RACK1: variants seen among roughly 807,000 people sequenced by gnomAD.
RACK1 encodes receptor for activated C kinase 1, also known as small ribosomal subunit protein RACK1.
RACK1 carries 3 observed loss-of-function variants against 42.2 expected under a neutral mutation model. The ratio of observed to expected loss-of-function variants is 0.07; its 90% CI spans 0.03 to 0.18. RACK1 has a LOEUF of 0.18. Among genes scored for constraint, RACK1 ranks in the 10% least tolerant of loss-of-function variants. RACK1 has a pLI of 1.00. For missense variants in RACK1, 146 were observed against 403.2 expected (o/e 0.36, Z 5.46); for synonymous variants, 181 against 154.8 (o/e 1.17, Z -1.25).
At chr5:181,237,186 T>C (rs1442315213) in intron 7 of RACK1, 144 bp from the exon 8 acceptor site, 4 of 1,469,308 alleles carry the variant, frequency 2.7e-6, no homozygotes, top group Non-Finnish European at 3.7e-6. Context: ...CCTGGCTCAC[T>C]ACAGCCTTAA....
Position 181,236,918 on chromosome 5 carries a change from A to G in RACK1, c.*59T>C, listed in dbSNP as rs747352419. Reference sequence around the variant, plus strand: ...GAGCTTTTTTGCATATAAGAAAAAAAAACCTAAAAGTCAGAAAAGCCAGTT... The same window carrying G: ...GAGCTTTTTTGCATATAAGAAAAAAGAACCTAAAAGTCAGAAAAGCCAGTT... On this transcript the variant is annotated 3_prime_UTR_variant, in exon 8 of 8. Coordinates refer to ENST00000512805, the MANE Select transcript of RACK1 (RefSeq NM_006098.5). 366 of 1,548,068 alleles carry G rather than the reference A, an allele frequency of 2.4e-4. No homozygotes were observed. Among genetic ancestry groups the G allele is most frequent in the Non-Finnish European group, 3.0e-4 (347 of 1,154,232 alleles).
At chr5:181,242,990 G>C in intron 1 of RACK1, 1 of 340,184 alleles carries the variant, frequency 2.9e-6, no homozygotes, top group Non-Finnish European at 5.8e-6. Flanking sequence ...GAGTAGCTGG[G>C]GCCTCCTATG....
chr5:181,238,995 A>G (rs191685935), intron 5 of RACK1, 72 bp downstream of exon 5: 1 of 946,990 alleles, frequency 1.1e-6, no homozygotes, highest in South Asian at 1.3e-5. Context: ...ATTTTACGTT[A>G]GAGACGCTGG....
chr5:181,237,951 AAC>A (rs1759202615), intron 6 of RACK1, 146 bp downstream of exon 6: 8 of 813,404 alleles, frequency 9.8e-6, no homozygotes, highest in Admixed American at 2.2e-5. Flanking sequence ...TGCACACCAC[AAC>A]AGAGTTACTC....
chr5:181,237,877 T>C (rs1683674599), intron 6 of RACK1, 158 bp from the exon 7 acceptor site: 5 of 661,438 alleles, frequency 7.6e-6, no homozygotes, highest in Non-Finnish European at 1.1e-5. Context: ...AGTGGAAGGA[T>C]GGTTTGCTAC....
intron 1 of RACK1, chr5:181,243,421 C>A: frequency 2.7e-6 from 4 of 1,493,684 alleles, no homozygotes; most frequent in South Asian, 1.1e-5. Flanking sequence ...AAGGAGAAGG[C>A]AAAAGATATT....
At chr5:181,240,702 T>TAA (rs200354050) in intron 3 of RACK1, among the ~76,000 whole-genome samples, 27 of 144,188 alleles carry the variant, frequency 1.9e-4, no homozygotes, top group African/African-American at 7.0e-4. Context: ...AAAAAATAAA[T>TAA]AAAATTTTGT....
intron 3 of RACK1, 23 bp from the exon 4 acceptor site, chr5:181,239,605 T>A (rs1039461339): frequency 4.0e-6 from 6 of 1,504,210 alleles, no homozygotes; most frequent in African/African-American, 1.4e-5. Flanking sequence ...GAAAGGAAAT[T>A]AGGGCAAACA....
intron 5 of RACK1, chr5:181,238,673 G>A (rs1328551197): frequency 1.4e-5 from 5 of 358,858 alleles, no homozygotes; most frequent in Admixed American, 4.0e-5. Context: ...GTGATGGCGG[G>A]TGCCTGTAAT....
At chr5:181,240,252 G>A (rs2545095) in intron 3 of RACK1, 23,010 of 167,038 alleles carry the variant, frequency 0.14, 2,922 homozygotes, top group African/African-American at 0.34. Context: ...CGACTCGGGA[G>A]GCTGAGGCAG....
At chr5:181,241,358 A>T (rs2113215966) in intron 3 of RACK1, 134 bp downstream of exon 3, 1 of 726,728 alleles carries the variant, frequency 1.4e-6, no homozygotes, top group Non-Finnish European at 2.3e-6. Context: ...TGAGCCCGGG[A>T]GGCAGAGGTT....
In RACK1 at chr5:181,241,483, T is replaced by G; in HGVS notation, c.429+9A>C. 1 of 1,597,500 alleles carries G rather than the reference T, an allele frequency of 6.3e-7. No homozygotes were observed. The highest frequency in any genetic ancestry group is 8.5e-7 in the Non-Finnish European group (1 of 1,170,082). Reference sequence around the variant, plus strand: ...GGTGGAAGAGATCCTTGGAGATGGCTCACTTTACCTGGACAGTGTATTTGC... The same window carrying G: ...GGTGGAAGAGATCCTTGGAGATGGCGCACTTTACCTGGACAGTGTATTTGC... On this transcript the variant is annotated intron_variant, in intron 3 of 7. Transcript: ENST00000512805.
At chr5:181,238,852 C>T (rs1759235753) in intron 5 of RACK1, 1 of 600,154 alleles carries the variant, frequency 1.7e-6, no homozygotes, top group Non-Finnish European at 3.1e-6. Flanking sequence ...AACCCACAGG[C>T]TTATAGAAAA....
Position 181,239,469 on chromosome 5 carries a change from C to G in RACK1, c.525+18G>C. On this transcript the variant is annotated intron_variant, in intron 4 of 7. Coordinates refer to ENST00000512805, the MANE Select transcript of RACK1 (RefSeq NM_006098.5). ...CACACCCTGACTGGTAAAGCCCCTG[C>G]CTTGGCTTGACGCTCACCTTGACCA... 2.5e-6 allele frequency: 4 copies of G among 1,584,588 alleles called. No homozygotes were observed. Among genetic ancestry groups the G allele is most frequent in the Non-Finnish European group, 3.5e-6 (4 of 1,153,082 alleles).
In RACK1 at chr5:181,241,561, A is replaced by G; in HGVS notation, c.360T>C (p.Ile120=). 1.2e-6 allele frequency: 2 copies of G among 1,614,080 alleles called. No individual in the cohort carries two copies. Among genetic ancestry groups the G allele is most frequent in the Non-Finnish European group, 1.7e-6 (2 of 1,179,964 alleles). ...SVAFSSDNRQ[I]VSGSRDKTIK... The stretch of plus-strand genomic sequence containing the variant: ...TGGTTTTATCTCGAGATCCAGAGAC[A>G]ATCTGCCGGTTGTCAGAGGAGAAGG... Residue 120 remains isoleucine (I), a synonymous_variant, in exon 3 of 8, where the codon ATT becomes ATC. Transcript: ENST00000512805.
intron 1 of RACK1, chr5:181,243,319 G>GA (rs759628668): frequency 1.5e-6 from 2 of 1,363,614 alleles, no homozygotes; most frequent in Non-Finnish European, 1.9e-6. Context: ...CGGCAGCTCA[G>GA]AAACAGCCTC....
At chr5:181,238,285 T>G (rs1323991737) in intron 5 of RACK1, 46 bp from the exon 6 acceptor site, 4 of 1,590,106 alleles carry the variant, frequency 2.5e-6, no homozygotes, top group Non-Finnish European at 3.5e-6. Context: ...CTCTTCCAGA[T>G]GTTAATTCTG....
In RACK1 at chr5:181,242,229, G is replaced by C; in HGVS notation, c.226C>G (p.Gln76Glu). ...VSDVVISSDG[Q>E]FALSGSWDGT... ...TCCCAGGAGCCTGAGAGGGCAAACT[G>C]GCCATCTGAGGAGATAACCACATCA... Residue 76 changes from glutamine to glutamate, a missense_variant, in exon 2 of 8, where the codon CAG becomes GAG. By Grantham distance (29) the Gln-to-Glu change is conservative (BLOSUM62 2). Transcript: ENST00000512805. 6.2e-7 allele frequency: 1 copy of C among 1,613,864 alleles called. No homozygotes were observed. The highest frequency in any genetic ancestry group is 8.5e-7 in the Non-Finnish European group (1 of 1,179,750).
intron 7 of RACK1, 154 bp from the exon 8 acceptor site, chr5:181,237,196 A>T (rs1178404005): frequency 7.1e-7 from 1 of 1,410,072 alleles, no homozygotes. Flanking sequence ...TACAGCCTTA[A>T]GCCCCTGCAG....
Sources: gnomAD v4.1 joint callset for allele counts (sites outside exome capture counted in the v4.1 genomes callset) on GRCh38, gnomAD v4.1.1 for gene constraint, MANE v1.5 for transcripts, NCBI Gene and HGNC (gene_info 2026-07-23, HGNC 2026-07-21) for gene names.